Variants in ATP11A observed in about 807,000 individuals in gnomAD.
The protein encoded by ATP11A is phospholipid-transporting ATPase IH.
ATP11A carries 81 observed loss-of-function variants against 154.4 expected under a neutral mutation model. The ratio of observed to expected loss-of-function variants is 0.52; its 90% confidence interval spans 0.44 to 0.63. The LOEUF (loss-of-function observed/expected upper bound fraction) is 0.63, where lower values mean the gene tolerates loss of function less well. Ranked by LOEUF, ATP11A falls within the 30% of genes least tolerant of loss-of-function variation. The pLI, the probability that ATP11A is intolerant of heterozygous loss-of-function variation, is 0.00. For missense variants in ATP11A, 1,316 were observed against 1,474.3 expected, an observed-to-expected ratio of 0.89 and a Z score of 1.76; for synonymous variants, 623 against 585.9, an observed-to-expected ratio of 1.06 and a Z score of -0.91.
intron 2 of ATP11A, among the ~76,000 whole-genome samples, chr13:112,798,530 C>A (rs1407278394): frequency 1.3e-5 from 2 of 152,214 alleles, no homozygotes; most frequent in Non-Finnish European, 2.9e-5. Flanking sequence ...TGTATGACAG[C>A]AGTGCCCTGG....
intron 2 of ATP11A, among the ~76,000 whole-genome samples, chr13:112,795,109 T>C (rs2077965485): frequency 6.7e-6 from 1 of 148,188 alleles, no homozygotes; most frequent in Non-Finnish European, 1.5e-5. Flanking sequence ...CCGGGCATCT[T>C]GGGGGGTTGC....
At chr13:112,724,938 CT>C (rs1037000807) in intron 1 of ATP11A, among the ~76,000 whole-genome samples, 27 of 152,222 alleles carry the variant, frequency 1.8e-4, no homozygotes, top group Non-Finnish European at 3.2e-4. Context: ...CCAGCCACCC[CT>C]GCGGCCATGC....
rs371031585 is a variant in ATP11A, at chr13:112,857,891, G to T, written c.2492G>T (p.Ser831Ile). Residue 831 changes from serine (S) to isoleucine (I), a missense_variant, in exon 21 of 30, where the codon AGC becomes ATC. Ser to Ile is a moderately radical substitution (Grantham distance 142). This residue lies in a region of ATP11A where 876 missense variants were observed against 1,006.8 expected (regional missense o/e 0.87). Transcript: ENST00000375645. ...LAIGDGANDV[S>I]MILEAHVGIG... Reference sequence around the variant, plus strand: ...ATTGGCGATGGTGCAAATGATGTCAGCATGATTCTGGAAGCGCACGTGGGC... The same window carrying T: ...ATTGGCGATGGTGCAAATGATGTCATCATGATTCTGGAAGCGCACGTGGGC... 6.2e-7 allele frequency: 1 copy of T among 1,614,238 alleles called. No individual in the cohort carries two copies. Among genetic ancestry groups the T allele is most frequent in the Admixed American group, 1.7e-5 (1 of 60,036 alleles).
At chr13:112,800,797 C>T (rs1370894168) in intron 2 of ATP11A, among the ~76,000 whole-genome samples, 2 of 152,152 alleles carry the variant, frequency 1.3e-5, no homozygotes, top group African/African-American at 4.8e-5. Context: ...AAGAATTATA[C>T]ACCATGACCA....
intron 8 of ATP11A, 150 bp from the exon 9 acceptor site, chr13:112,823,195 A>G (rs2078845214): frequency 1.5e-6 from 1 of 659,938 alleles, no homozygotes; most frequent in South Asian, 1.8e-5. Flanking sequence ...TGACTTAATC[A>G]TCTGAATATA....
At chr13:112,837,342 G>A (rs775032945) in intron 16 of ATP11A, among the ~76,000 whole-genome samples, 2 of 152,298 alleles carry the variant, frequency 1.3e-5, no homozygotes, top group Non-Finnish European at 2.9e-5. Context: ...CCTTTCCACG[G>A]ACGGCTCAGG....
chr13:112,718,110 G>A (rs1391897755), intron 1 of ATP11A, among the ~76,000 whole-genome samples: 1 of 151,910 alleles, frequency 6.6e-6, no homozygotes, highest in Non-Finnish European at 1.5e-5. Flanking sequence ...GATTGCCACC[G>A]CCCCCTGCCC....
chr13:112,819,476 C>T (rs1354540916), intron 7 of ATP11A, 69 bp downstream of exon 7: 1 of 1,320,144 alleles, frequency 7.6e-7, no homozygotes, highest in East Asian at 2.4e-5. Context: ...GCTTTTTCAC[C>T]CCAAGTAGTC....
chr13:112,792,491 G>A (rs1268857614), intron 2 of ATP11A, among the ~76,000 whole-genome samples: 2 of 152,210 alleles, frequency 1.3e-5, no homozygotes, highest in African/African-American at 2.4e-5. Context: ...ACAGAAGCTT[G>A]TTCTCAGCAA....
In ATP11A at chr13:112,871,771, A is replaced by G. The variant is rs764737213; in HGVS notation, c.3028A>G (p.Thr1010Ala). Reference sequence around the variant, plus strand: ...CTGGACGTTTGGAACGCTGGTATTCACCGTGATGGTGTTCACAGTTACACT... The same window carrying G: ...CTGGACGTTTGGAACGCTGGTATTCGCCGTGATGGTGTTCACAGTTACACT... ...GNWTFGTLVF[T>A]VMVFTVTLKL... The change falls in exon 26 of 30, where the codon ACC (threonine) becomes GCC (alanine). Residue 1010 changes from threonine to alanine, a missense_variant. By Grantham distance (58) the Thr-to-Ala change is moderately conservative. Around this residue, in one of 5 missense-constraint regions of ATP11A, gnomAD observed 294 missense variants for 290.2 expected, o/e 1.01. Transcript: ENST00000375645. The G allele has an allele frequency of 3.1e-6, 5 of 1,614,072 alleles. No homozygotes were observed. The highest frequency in any genetic ancestry group is 1.3e-5 in the African/African-American group (1 of 74,922).
chr13:112,873,478 G>T, intron 26 of ATP11A, 95 bp from the exon 27 acceptor site: 1 of 950,528 alleles, frequency 1.1e-6, no homozygotes. Flanking sequence ...GTTTGGTTTA[G>T]TTTCTCGTCA....
In ATP11A at chr13:112,753,233, C is replaced by G. The variant is rs1316376042; in HGVS notation, c.40-31902C>G. Among the ~76,000 whole-genome samples, 1 of 152,200 alleles carries G rather than the reference C, an allele frequency of 6.6e-6. No homozygotes were observed. The highest frequency in any genetic ancestry group is 1.9e-4 in the East Asian group (1 of 5,188). Reference sequence around the variant, plus strand: ...TGTTCCCCTGTGGACTCAACCTCCCCCGCCCCTGGCCGCCCCACATCATGG... The same window carrying G: ...TGTTCCCCTGTGGACTCAACCTCCCGCGCCCCTGGCCGCCCCACATCATGG... On this transcript the variant is annotated intron_variant, in intron 1 of 29. Transcript: ENST00000375645. The surrounding 1 kb of genome is among the most constrained non-coding windows in gnomAD (Gnocchi z 4.1).
intron 1 of ATP11A, among the ~76,000 whole-genome samples, chr13:112,779,539 G>A (rs1352216882): frequency 6.6e-5 from 10 of 152,202 alleles, no homozygotes; most frequent in African/African-American, 2.4e-4. Context: ...CTTCCTCGGA[G>A]ATTTTCAGGA....
At chr13:112,881,254 G>A (rs886194842) in intron 29 of ATP11A, 28 of 992,328 alleles carry the variant, frequency 2.8e-5, no homozygotes, top group Middle Eastern at 5.1e-4. Flanking sequence ...CACAGGGCCC[G>A]TGCACATCCG....
intron 17 of ATP11A, among the ~76,000 whole-genome samples, chr13:112,842,881 G>A (rs113620616): frequency 8.5e-5 from 13 of 152,204 alleles, no homozygotes; most frequent in East Asian, 1.9e-4. Flanking sequence ...CCAGCAGCCC[G>A]CACACCTGAG....
chr13:112,765,694 A>G (rs146328129), intron 1 of ATP11A, among the ~76,000 whole-genome samples: 1 of 152,370 alleles, frequency 6.6e-6, no homozygotes, highest in East Asian at 1.9e-4. Context: ...TTTGAACAAA[A>G]TATCTCAGGT....
chr13:112,833,531 A>C (rs192531), intron 14 of ATP11A, among the ~76,000 whole-genome samples: 54,400 of 151,888 alleles, frequency 0.36, 10,736 homozygotes, highest in African/African-American at 0.52. Context: ...AACTCAGGGG[A>C]GCCATTTTCA....
chr13:112,714,894 G>A (rs1157601750), intron 1 of ATP11A, among the ~76,000 whole-genome samples: 2 of 152,122 alleles, frequency 1.3e-5, no homozygotes, highest in Non-Finnish European at 2.9e-5. Context: ...CAGAACTTCC[G>A]CTTCTTCCCA....
At chr13:112,713,428 A>G (rs750881565) in intron 1 of ATP11A, among the ~76,000 whole-genome samples, 1 of 152,206 alleles carries the variant, frequency 6.6e-6, no homozygotes, top group Non-Finnish European at 1.5e-5. Flanking sequence ...GAGTTCACAA[A>G]GTGGCATGAA....
Sources: allele counts gnomAD v4.1 joint callset (sites outside exome capture counted in the v4.1 genomes callset), GRCh38; gene constraint gnomAD v4.1.1; regional missense constraint gnomAD v4.1.1; non-coding constraint Gnocchi (gnomAD v3.1); transcripts MANE v1.5; gene names NCBI Gene and HGNC (gene_info 2026-07-23, HGNC 2026-07-21).